Variants in HS2ST1 observed in about 807,000 individuals in gnomAD.
HS2ST1 encodes the protein heparan sulfate 2-O-sulfotransferase 1, also known as 2-O-sulfotransferase.
HS2ST1 carries 18 observed loss-of-function variants against 42.9 expected under a neutral mutation model. The ratio of observed to expected loss-of-function variants is 0.42; its 90% CI spans 0.29 to 0.62. The LOEUF (loss-of-function observed/expected upper bound fraction) is 0.62, where lower values mean the gene tolerates loss of function less well. Ranked by LOEUF, HS2ST1 falls within the 20% of genes least tolerant of loss-of-function variation. HS2ST1 has a pLI of 0.21. For missense variants in HS2ST1, 334 were observed against 433.8 expected, an observed-to-expected ratio of 0.77 and a Z score of 2.04; for synonymous variants, 146 against 152.9, an observed-to-expected ratio of 0.95 and a Z score of 0.33.
chr1:87,011,859 T>C (rs796412794), intron 1 of HS2ST1, among the ~76,000 whole-genome samples: 31 of 152,352 alleles, frequency 2.0e-4, no homozygotes, highest in African/African-American at 7.5e-4. Flanking sequence ...CTTTCTTCTT[T>C]ATGCATGATT....
chr1:87,098,547 T>A (rs1652123974), intron 5 of HS2ST1: 2 of 211,388 alleles, frequency 9.5e-6, no homozygotes, highest in South Asian at 1.7e-4. Flanking sequence ...ATATTCAAAG[T>A]TTCTTCCATA....
At chr1:86,990,330 A>G (rs758911222) in intron 1 of HS2ST1, among the ~76,000 whole-genome samples, 11 of 152,312 alleles carry the variant, frequency 7.2e-5, no homozygotes, top group Non-Finnish European at 1.0e-4. Context: ...CTGGGGCCTA[A>G]ACGTTCTATG....
intron 1 of HS2ST1, among the ~76,000 whole-genome samples, chr1:86,975,168 T>C (rs1648360174): frequency 6.6e-6 from 1 of 152,146 alleles, no homozygotes; most frequent in South Asian, 2.1e-4. Flanking sequence ...TCAAAGACTT[T>C]GGTAGAGAAA....
In HS2ST1 at chr1:87,076,381, G is replaced by T. The variant is rs571099102; in HGVS notation, c.363+3209G>T. Among the ~76,000 whole-genome samples, 7 of 152,272 alleles carry T rather than the reference G, an allele frequency of 4.6e-5. No homozygotes were observed. The East Asian group carries it at 1.2e-3, about 25-fold the overall frequency. ...GCTTTCAAATAGGTCAGAAAAAATT[G>T]AGTATGTATGTGCATACATAGAGAA... On this transcript the variant is annotated intron_variant, in intron 2 of 6. Coordinates refer to ENST00000370550, the MANE Select transcript of HS2ST1 (RefSeq NM_012262.4).
intron 1 of HS2ST1, among the ~76,000 whole-genome samples, chr1:86,936,933 TAAAAAAAAA>T (rs60940882): frequency 1.0e-5 from 1 of 98,402 alleles, no homozygotes; most frequent in African/African-American, 3.8e-5. Flanking sequence ...CCGTCTCTAC[TAAAAAAAAA>T]AAAAAAAAAA....
intron 1 of HS2ST1, among the ~76,000 whole-genome samples, chr1:87,009,074 G>T (rs895586816): frequency 2.0e-5 from 3 of 152,142 alleles, no homozygotes; most frequent in African/African-American, 7.2e-5. Context: ...AAACTCCTGA[G>T]CTCAAGCGAT....
Position 87,100,412 on chromosome 1 carries a change from G to T in HS2ST1, c.686+2477G>T, listed in dbSNP as rs76553463. ...GGAGCAATGTCCCAAGGCTTCTCAG[G>T]GCAGCAGGACCCTGGGCCTGCCCCC... On this transcript the variant is annotated intron_variant, in intron 5 of 6. Transcript: ENST00000370550. Among the ~76,000 whole-genome samples the T allele has an allele frequency of 6.4e-4, 98 of 152,270 alleles. No homozygotes were observed. The East Asian group carries it at 7.0e-3, about 11-fold the overall frequency.
intron 1 of HS2ST1, among the ~76,000 whole-genome samples, chr1:86,938,211 C>T (rs1660694838): frequency 6.6e-6 from 1 of 151,972 alleles, no homozygotes; most frequent in Non-Finnish European, 1.5e-5. Context: ...CTCTTTTTCC[C>T]CCAGAAGTTC....
intron 1 of HS2ST1, among the ~76,000 whole-genome samples, chr1:87,005,574 A>G (rs1215949064): frequency 2.0e-5 from 3 of 152,180 alleles, no homozygotes; most frequent in African/African-American, 7.2e-5. Context: ...TGTGGATTCA[A>G]TAATTAATGA....
chr1:87,099,405 G>A (rs542394967), intron 5 of HS2ST1, among the ~76,000 whole-genome samples: 1 of 152,278 alleles, frequency 6.6e-6, no homozygotes, highest in East Asian at 1.9e-4. Flanking sequence ...TAGGGGTGGG[G>A]GTATGGTTCC....
At chr1:87,065,983 C>T (rs1651239776) in intron 1 of HS2ST1, among the ~76,000 whole-genome samples, 1 of 152,126 alleles carries the variant, frequency 6.6e-6, no homozygotes, top group Non-Finnish European at 1.5e-5. Flanking sequence ...ATATCCCTCT[C>T]GTCCTAAAAT....
intron 1 of HS2ST1, among the ~76,000 whole-genome samples, chr1:86,930,558 T>A (rs1297093899): frequency 6.6e-6 from 1 of 151,942 alleles, no homozygotes; most frequent in African/African-American, 2.4e-5. Flanking sequence ...AGTTATCTTG[T>A]AGAATAAGAT....
intron 1 of HS2ST1, among the ~76,000 whole-genome samples, chr1:86,953,232 C>G (rs186336661): frequency 6.6e-6 from 1 of 152,318 alleles, no homozygotes; most frequent in African/African-American, 2.4e-5. Context: ...TAAGCATTTG[C>G]TCTGGGGTAG....
At chr1:87,064,896 CAAGT>C (rs1451940284) in intron 1 of HS2ST1, among the ~76,000 whole-genome samples, 1 of 152,182 alleles carries the variant, frequency 6.6e-6, no homozygotes, top group Non-Finnish European at 1.5e-5. Context: ...CTCCTCAGCT[CAAGT>C]AAGTGATCTT....
At chr1:86,947,068 T>C (rs899125774) in intron 1 of HS2ST1, among the ~76,000 whole-genome samples, 29 of 152,196 alleles carry the variant, frequency 1.9e-4, no homozygotes, top group African/African-American at 6.5e-4. Flanking sequence ...CTAGCTACCA[T>C]AGAATGACAT....
intron 1 of HS2ST1, among the ~76,000 whole-genome samples, chr1:86,987,721 C>G (rs528856061): frequency 6.6e-6 from 1 of 152,208 alleles, no homozygotes; most frequent in Admixed American, 6.5e-5. Flanking sequence ...TCTCTATTCA[C>G]TTTGTTCTAG....
chr1:87,072,921 T>A lies in HS2ST1; in HGVS notation c.125-13T>A. The A allele has an allele frequency of 6.3e-7, 1 of 1,598,872 alleles. No individual in the cohort carries two copies. Among genetic ancestry groups the A allele is most frequent in the Non-Finnish European group, 8.6e-7 (1 of 1,166,346 alleles). ...TCCTTAAAAACTTAGTTCGTATCTG[T>A]TTTTCTTTCCAGAAAGGGCTATTGC... On this transcript the variant is annotated splice_polypyrimidine_tract_variant and intron_variant, in intron 1 of 6. Transcript: ENST00000370550.
intron 1 of HS2ST1, among the ~76,000 whole-genome samples, chr1:87,008,258 A>G (rs1009799958): frequency 1.3e-5 from 2 of 152,206 alleles, no homozygotes; most frequent in Admixed American, 1.3e-4. Flanking sequence ...AAAAATAAGA[A>G]AAGTCCAGTA....
intron 1 of HS2ST1, among the ~76,000 whole-genome samples, chr1:87,014,019 A>T (rs1266076477): frequency 6.6e-6 from 1 of 152,164 alleles, no homozygotes; most frequent in African/African-American, 2.4e-5. Flanking sequence ...GGAAGTTCCA[A>T]ACTTTCCCAC....
Sources: allele counts gnomAD v4.1 joint callset (sites outside exome capture counted in the v4.1 genomes callset), GRCh38; gene constraint gnomAD v4.1.1; transcripts MANE v1.5; gene names NCBI Gene and HGNC (gene_info 2026-07-23, HGNC 2026-07-21).